Variants in ACSS1 observed in about 807,000 individuals in gnomAD.
The protein encoded by ACSS1 is acyl-CoA synthetase short chain family member 1.
A neutral mutation model predicts 75.3 loss-of-function variants in ACSS1; 42 were observed. The ratio of observed to expected loss-of-function variants is 0.56; its 90% CI spans 0.44 to 0.72. The LOEUF (loss-of-function observed/expected upper bound fraction) is 0.72. ACSS1 is among the 30% of genes least tolerant of loss of function. ACSS1 has a pLI of 0.00. For missense variants in ACSS1, 782 were observed against 935.7 expected (o/e 0.84, Z 2.14); for synonymous variants, 380 against 376.8 (o/e 1.01, Z -0.10).
chr20:25,022,674 TG>T (rs2088643896), intron 5 of ACSS1, among the ~76,000 whole-genome samples: 1 of 152,278 alleles, frequency 6.6e-6, no homozygotes. Context: ...TAAAAATCTT[TG>T]GGCGAATGGC....
At chr20:25,046,583 G>C in intron 2 of ACSS1, 1 of 550,692 alleles carries the variant, frequency 1.8e-6, no homozygotes, top group East Asian at 3.1e-5. Flanking sequence ...CAGGTGTCCA[G>C]TTAGCTCCTT....
chr20:25,046,704 GGGCCCACCGT>G, intron 2 of ACSS1: 2 of 729,794 alleles, frequency 2.7e-6, no homozygotes, highest in East Asian at 5.0e-5. Flanking sequence ...AGATGGAGCT[GGGCCCACCGT>G]GGCGAGGGGC....
At chr20:25,029,572 C>T (rs553970014) in intron 3 of ACSS1, among the ~76,000 whole-genome samples, 1 of 152,142 alleles carries the variant, frequency 6.6e-6, no homozygotes, top group Non-Finnish European at 1.5e-5. Flanking sequence ...TTCATAACAG[C>T]TCTATTCACA....
At chr20:25,023,280 A>G (rs2088657097) in intron 4 of ACSS1, among the ~76,000 whole-genome samples, 186 bp downstream of exon 4, 1 of 152,210 alleles carries the variant, frequency 6.6e-6, no homozygotes, top group African/African-American at 2.4e-5. Flanking sequence ...TGTTACAGTA[A>G]GTGTTCCAAC....
At chr20:25,014,995 A>G (rs2088490448) in intron 8 of ACSS1, 143 bp downstream of exon 8, 4 of 612,008 alleles carry the variant, frequency 6.5e-6, no homozygotes, top group African/African-American at 3.8e-5. Flanking sequence ...CCCTCACTCT[A>G]GGCTCCAGGG....
chr20:25,006,504 G>A lies in ACSS1; in HGVS notation c.*1258C>T, dbSNP rs930947312. The A allele has an allele frequency of 2.5e-5, 6 of 241,526 alleles. No individual in the cohort carries two copies. Among genetic ancestry groups the A allele is most frequent in the South Asian group, 6.7e-5 (1 of 14,870 alleles). 15.0% of individuals were successfully genotyped at this position (241,526 alleles called of 1,614,324 possible). A position where few individuals can be genotyped will look rare whatever the true frequency, so the allele number is the denominator to read the frequency against. On this transcript the variant is annotated 3_prime_UTR_variant, in exon 14 of 14. Coordinates refer to ENST00000323482, the MANE Select transcript of ACSS1 (RefSeq NM_032501.4). Reference sequence around the variant, plus strand: ...TCACCCAAGAGGCCAGCACAACCACGACCGAGTGGGTACTCAGTGGCCCAG... The same window carrying A: ...TCACCCAAGAGGCCAGCACAACCACAACCGAGTGGGTACTCAGTGGCCCAG...
At position 25,007,155 on chromosome 20, in the gene ACSS1, A is replaced by C. The variant is rs547395536; in HGVS notation, c.*607T>G. 1,082 of 1,321,748 alleles carry C rather than the reference A, an allele frequency of 8.2e-4. 1 individual carries two copies. Among genetic ancestry groups the C allele is most frequent in the Non-Finnish European group, 9.8e-4 (1,014 of 1,035,138 alleles). The allele number at this position is 1,321,748 out of a possible 1,614,324, so 81.9% of individuals were successfully genotyped here. ...GAACTGTTTAGACAGAGGTACAAAC[A>C]TCTCCAATTCAGACTTCCAAATACA... On this transcript the variant is annotated 3_prime_UTR_variant, in exon 14 of 14. Transcript: ENST00000323482.
chr20:25,023,101 G>T lies in ACSS1; in HGVS notation c.808-9C>A, dbSNP rs1266291396. The T allele has an allele frequency of 6.2e-7, 1 of 1,608,906 alleles. No individual in the cohort carries two copies. The highest frequency in any genetic ancestry group is 8.5e-7 in the Non-Finnish European group (1 of 1,177,344). ...TCCTCCTTGGCCATTTCCTGGCAGG[G>T]AGAAGAAACAAACAGCCCACCGAGG... On this transcript the variant is annotated splice_polypyrimidine_tract_variant and intron_variant, in intron 4 of 13. Coordinates refer to ENST00000323482, the MANE Select transcript of ACSS1 (RefSeq NM_032501.4).
In ACSS1 at chr20:25,007,919, GT is replaced by G. The variant is rs2088338355; in HGVS notation, c.1912del (p.Thr638ProfsTer11). The G allele has an allele frequency of 6.2e-7, 1 of 1,614,176 alleles. No individual in the cohort carries two copies. The highest frequency in any genetic ancestry group is 1.1e-5 in the South Asian group (1 of 91,086). On this transcript the variant is annotated frameshift_variant, in exon 14 of 14. Transcript: ENST00000323482. LOFTEE classifies it high-confidence loss of function. The part of the protein sequence containing the change: ...EILVVKRLPK[T>X]RSGKVMRRLL... ...CCGCCGCATGACCTTCCCAGACCTG[GT>G]TTTTGGAAGACGTTTCACCACCTGG...
At chr20:25,030,097 T>C (rs1469473616) in intron 3 of ACSS1, among the ~76,000 whole-genome samples, 1 of 152,136 alleles carries the variant, frequency 6.6e-6, no homozygotes, top group Non-Finnish European at 1.5e-5. Flanking sequence ...ACCCATTAGT[T>C]CTATTTTCTA....
intron 7 of ACSS1, among the ~76,000 whole-genome samples, chr20:25,017,634 G>A (rs898597590): frequency 6.6e-6 from 1 of 152,236 alleles, no homozygotes; most frequent in African/African-American, 2.4e-5. Flanking sequence ...AAACCCAGCT[G>A]AGCCTCTGCT....
At chr20:25,013,397 G>A in intron 10 of ACSS1, 139 bp downstream of exon 10, 1 of 1,172,766 alleles carries the variant, frequency 8.5e-7, no homozygotes, top group Non-Finnish European at 1.2e-6. Flanking sequence ...GGGGTGCGGA[G>A]TCAAACTCTG....
rs568565565 is a variant in ACSS1, at chr20:25,050,075, G to A, written c.335-1894C>T. Among the ~76,000 whole-genome samples, 9 of 152,248 alleles carry A rather than the reference G, an allele frequency of 5.9e-5. No homozygotes were observed. In the South Asian group the frequency reaches 1.9e-3, roughly 32 times the overall value. On this transcript the variant is annotated intron_variant, in intron 1 of 13. Transcript: ENST00000323482. ...AAGGAGATGGAAAAACAACACAACT[G>A]CCAGGGAGAAAATTAATACACGGGT...
rs1187992314 is a variant in ACSS1 at position 25,023,021 on chromosome 20, G to A, written c.879C>T (p.Tyr293=). ...TGGGCATTCCGGTGCTCCCTGAGGT[G>A]TACAGCATGAAGAGCATGTCCTCAC... The part of the protein sequence containing the change: ...MGSEDMLFML[Y]TSGSTGMPKG... The change falls in exon 5 of 14, where the codon TAC becomes TAT. Residue 293 remains tyrosine (Y), a synonymous_variant. Transcript: ENST00000323482. 6.2e-7 allele frequency: 1 copy of A among 1,614,126 alleles called. No homozygotes were observed.
rs530388368 is a variant in ACSS1 at position 25,020,251 on chromosome 20, G to A, written c.1109-104C>T. 143 of 1,485,548 alleles carry A rather than the reference G, an allele frequency of 9.6e-5. No homozygotes were observed. The East Asian group carries it at 1.4e-3, about 15-fold the overall frequency. 92.0% of individuals were successfully genotyped at this position (1,485,548 alleles called of 1,614,324 possible). A position where few individuals can be genotyped will look rare whatever the true frequency, so the allele number is the denominator to read the frequency against. On this transcript the variant is annotated intron_variant, in intron 6 of 13. Coordinates refer to ENST00000323482, the MANE Select transcript of ACSS1 (RefSeq NM_032501.4). ...CTGAGTGCTGGGCATGTGCAGACGCGCATATGTCCATATGAAAGGGATCCC... is the reference window on the plus strand; with the variant it reads ...CTGAGTGCTGGGCATGTGCAGACGCACATATGTCCATATGAAAGGGATCCC...
chr20:25,032,278 C>A, intron 2 of ACSS1: 1 of 1,157,300 alleles, frequency 8.6e-7, no homozygotes, highest in Non-Finnish European at 1.1e-6. Context: ...CTGATTGGCT[C>A]AGGGCCGACA....
chr20:25,033,496 T>C (rs547577462), intron 2 of ACSS1, among the ~76,000 whole-genome samples: 171 of 152,372 alleles, frequency 1.1e-3, no homozygotes, highest in African/African-American at 3.8e-3. Flanking sequence ...AAACATTCAG[T>C]AGCTATCGTC....
intron 7 of ACSS1, among the ~76,000 whole-genome samples, chr20:25,018,413 A>G (rs890887583): frequency 1.3e-5 from 2 of 152,216 alleles, no homozygotes; most frequent in African/African-American, 2.4e-5. Flanking sequence ...GCAAACTAAG[A>G]TTCACCATCT....
intron 2 of ACSS1, chr20:25,046,939 G>A (rs2122746429): frequency 1.3e-6 from 1 of 779,424 alleles, no homozygotes; most frequent in East Asian, 2.4e-5. Context: ...GGTCAGCAAA[G>A]GAGCCCTGGC....
Sources: allele counts gnomAD v4.1 joint callset (sites outside exome capture counted in the v4.1 genomes callset), GRCh38; gene constraint gnomAD v4.1.1; transcripts MANE v1.5; gene names NCBI Gene and HGNC (gene_info 2026-07-23, HGNC 2026-07-21).